The following TTLL5 variants were observed in gnomAD, a reference collection of about 807,000 sequenced individuals.
TTLL5 encodes tubulin tyrosine ligase like 5, also known as tubulin polyglutamylase TTLL5.
Under a neutral mutation model 168.4 loss-of-function variants are expected in TTLL5, and 132 were observed. The ratio of observed to expected loss-of-function variants is 0.78; its 90% confidence interval spans 0.68 to 0.91. The LOEUF (loss-of-function observed/expected upper bound fraction) is 0.91, where lower values mean the gene tolerates loss of function less well. Among genes scored for constraint, TTLL5 ranks in the 40% least tolerant of loss-of-function variants. The probability of loss-of-function intolerance (pLI) is 0.00; values close to 1 mark genes in which losing one functional copy is unlikely to be tolerated. For missense variants in TTLL5, 1,545 were observed against 1,581.5 expected (o/e 0.98, Z 0.39); for synonymous variants, 546 against 558.6 (o/e 0.98, Z 0.32).
At chr14:75,861,869 AC>A (rs1215538714) in intron 28 of TTLL5, among the ~76,000 whole-genome samples, 1 of 152,242 alleles carries the variant, frequency 6.6e-6, no homozygotes, top group East Asian at 1.9e-4. Flanking sequence ...CATAAAATTT[AC>A]CATTTTAACC....
chr14:75,707,865 A>G (rs571107633), intron 9 of TTLL5, among the ~76,000 whole-genome samples, 158 bp downstream of exon 9: 3 of 152,212 alleles, frequency 2.0e-5, no homozygotes, highest in Non-Finnish European at 4.4e-5. Flanking sequence ...GCTGTGCTCT[A>G]TAACATCAAA....
At chr14:75,949,284 G>GT (rs1482290541) in intron 31 of TTLL5, among the ~76,000 whole-genome samples, 2 of 151,158 alleles carry the variant, frequency 1.3e-5, no homozygotes, top group Non-Finnish European at 2.9e-5. Context: ...CAAAAGATAC[G>GT]TAAGACCTGT....
chr14:75,689,778 G>A lies in TTLL5; in HGVS notation c.372-414G>A, dbSNP rs150956962. On this transcript the variant is annotated intron_variant, in intron 5 of 31. Transcript: ENST00000298832. ...CCACTTATTTGACTTTCTGGAAAAG[G>A]CAAAATTATAAGGACAGAAAACAAA... 1,398 of 179,966 alleles carry A rather than the reference G, an allele frequency of 7.8e-3. 11 individuals carry two copies. The highest frequency in any genetic ancestry group is 0.01 in the Non-Finnish European group (898 of 87,162). The allele number at this position is 179,966 out of a possible 1,614,324, so 11.1% of individuals were successfully genotyped here. A position where few individuals can be genotyped will look rare whatever the true frequency, so the allele number is the denominator to read the frequency against.
intron 30 of TTLL5, among the ~76,000 whole-genome samples, chr14:75,894,763 C>A (rs1042696200): frequency 6.6e-6 from 1 of 151,622 alleles, no homozygotes; most frequent in African/African-American, 2.4e-5. Flanking sequence ...AAAAGATAGA[C>A]AATAAAAGGT....
chr14:75,790,691 C>G (rs1326956563), intron 26 of TTLL5, among the ~76,000 whole-genome samples: 1 of 151,774 alleles, frequency 6.6e-6, no homozygotes, highest in African/African-American at 2.4e-5. Context: ...TCTCGAACTT[C>G]TGTGCTAAAG....
At chr14:75,686,582 G>A (rs928934996) in intron 5 of TTLL5, among the ~76,000 whole-genome samples, 1 of 152,100 alleles carries the variant, frequency 6.6e-6, no homozygotes, top group African/African-American at 2.4e-5. Context: ...TGATTTTCCT[G>A]GACAGTCCTT....
chr14:75,830,243 C>G (rs1359905431), intron 28 of TTLL5, among the ~76,000 whole-genome samples: 2 of 152,092 alleles, frequency 1.3e-5, no homozygotes, highest in Non-Finnish European at 2.9e-5. Flanking sequence ...AAAACAAAAA[C>G]AAAAATTGTG....
At chr14:75,819,541 A>G (rs1352724110) in intron 27 of TTLL5, among the ~76,000 whole-genome samples, 1 of 152,212 alleles carries the variant, frequency 6.6e-6, no homozygotes, top group Non-Finnish European at 1.5e-5. Context: ...ATTGAAGTCC[A>G]TGACTATTTT....
At chr14:75,921,030 G>A (rs2033807814) in intron 31 of TTLL5, among the ~76,000 whole-genome samples, 1 of 152,198 alleles carries the variant, frequency 6.6e-6, no homozygotes, top group Admixed American at 6.5e-5. Context: ...CTTCTTTTGA[G>A]AAGTGTCTGT....
At chr14:75,802,480 G>C (rs1360150817) in intron 27 of TTLL5, among the ~76,000 whole-genome samples, 1 of 152,134 alleles carries the variant, frequency 6.6e-6, no homozygotes, top group Non-Finnish European at 1.5e-5. Flanking sequence ...TGAAGTTGTT[G>C]GGTATTTCTG....
At chr14:75,840,685 A>G (rs1048600748) in intron 28 of TTLL5, among the ~76,000 whole-genome samples, 1 of 152,174 alleles carries the variant, frequency 6.6e-6, no homozygotes, top group East Asian at 1.9e-4. Flanking sequence ...GGCATTCTAT[A>G]GGGTTTATAA....
chr14:75,746,760 C>T (rs1398244345), intron 17 of TTLL5, among the ~76,000 whole-genome samples: 2 of 151,958 alleles, frequency 1.3e-5, no homozygotes, highest in African/African-American at 4.8e-5. Flanking sequence ...GATGGGGTCT[C>T]CCCATGTTGC....
intron 31 of TTLL5, among the ~76,000 whole-genome samples, chr14:75,947,523 C>T (rs749438178): frequency 9.2e-5 from 14 of 151,898 alleles, no homozygotes; most frequent in Admixed American, 3.3e-4. Flanking sequence ...ATGAAAAGTA[C>T]ATTGGGCAAA....
At position 75,683,596 on chromosome 14, in the gene TTLL5, A is replaced by G. The variant is rs1884796366; in HGVS notation, c.311A>G (p.His104Arg). 1 of 1,613,988 alleles carries G rather than the reference A, an allele frequency of 6.2e-7. No individual in the cohort carries two copies. Among genetic ancestry groups the G allele is most frequent in the African/African-American group, 1.3e-5 (1 of 75,006 alleles). The change falls in exon 5 of 32, where the codon CAC (histidine) becomes CGC (arginine). Residue 104 changes from histidine (H) to arginine (R), a missense_variant. Physicochemically the swap from His to Arg is conservative, Grantham distance 29 (BLOSUM62 0). Coordinates refer to ENST00000298832, the MANE Select transcript of TTLL5 (RefSeq NM_015072.5). Reference protein sequence around the residue: ...TDYNLMWTGSHLKPFLLRTLS... With the variant: ...TDYNLMWTGSRLKPFLLRTLS... Reference sequence around the variant, plus strand: ...TATAACCTAATGTGGACAGGATCCCACCTGAAGCCCTTCTTACTGCGCACC... The same window carrying G: ...TATAACCTAATGTGGACAGGATCCCGCCTGAAGCCCTTCTTACTGCGCACC...
intron 21 of TTLL5, among the ~76,000 whole-genome samples, chr14:75,773,114 T>C (rs895477191): frequency 1.3e-5 from 2 of 152,206 alleles, no homozygotes; most frequent in African/African-American, 4.8e-5. Context: ...ATGCCAGGCT[T>C]ATTGTAAAAA....
At chr14:75,877,705 A>T (rs1412741711) in intron 29 of TTLL5, among the ~76,000 whole-genome samples, 2 of 152,168 alleles carry the variant, frequency 1.3e-5, no homozygotes, top group Admixed American at 6.5e-5. Flanking sequence ...TGTTTCTTAC[A>T]AATTATTAGA....
intron 31 of TTLL5, among the ~76,000 whole-genome samples, chr14:75,921,593 T>C (rs1423200942): frequency 6.6e-6 from 1 of 152,244 alleles, no homozygotes; most frequent in Non-Finnish European, 1.5e-5. Context: ...TATATCTGTT[T>C]TGGTACCAGT....
chr14:75,880,209 A>G lies in TTLL5; in HGVS notation c.3523-2476A>G, dbSNP rs538357860. 5.3e-5 allele frequency among the ~76,000 whole-genome samples: 8 copies of G among 152,262 alleles called. No homozygotes were observed. The South Asian group carries it at 1.7e-3, about 32-fold the overall frequency. On this transcript the variant is annotated intron_variant, in intron 29 of 31. Coordinates refer to ENST00000298832, the MANE Select transcript of TTLL5 (RefSeq NM_015072.5). ...TGGTGTGTATGTATTCTTTTTAAAA[A>G]AAACAAAAATAGGAGCTCACTAAAC...
At chr14:75,882,627 A>G in intron 29 of TTLL5, 58 bp from the exon 30 acceptor site, 1 of 1,466,718 alleles carries the variant, frequency 6.8e-7, no homozygotes, top group Non-Finnish European at 9.3e-7. Context: ...AGTTACATAC[A>G]GTAAATGGGT....
Sources: gnomAD v4.1 joint callset for allele counts (sites outside exome capture counted in the v4.1 genomes callset) on GRCh38, gnomAD v4.1.1 for gene constraint, MANE v1.5 for transcripts, NCBI Gene and HGNC (gene_info 2026-07-23, HGNC 2026-07-21) for gene names.